The following ZNF148 variants were observed in gnomAD, a reference collection of about 807,000 sequenced individuals.
ZNF148 encodes Beta-Enolase Repressor Factor-1.
A neutral mutation model predicts 67.7 loss-of-function variants in ZNF148; 7 were observed. The observed-to-expected ratio is 0.10, with a 90% CI of 0.06 to 0.19. The LOEUF (loss-of-function observed/expected upper bound fraction) is 0.19, where lower values mean the gene tolerates loss of function less well. ZNF148 is among the 10% of genes least tolerant of loss of function. The pLI is 1.00. For synonymous variants in ZNF148, 333 were observed against 330.7 expected (o/e 1.01, Z -0.08); for missense variants, 583 against 947.1 (o/e 0.62, Z 5.05).
chr3:125,352,841 G>C (rs2107762375), intron 1 of ZNF148, among the ~76,000 whole-genome samples: 1 of 152,114 alleles, frequency 6.6e-6, no homozygotes. Flanking sequence ...AGTGAGAGGA[G>C]GCACTCTACT....
chr3:125,240,780 A>C (rs1210604851), intron 7 of ZNF148, among the ~76,000 whole-genome samples: 1 of 149,772 alleles, frequency 6.7e-6, no homozygotes, highest in Non-Finnish European at 1.5e-5. Flanking sequence ...AAAAAAAAAA[A>C]CCAAAAACCA....
At chr3:125,340,913 A>G (rs1006709609) in intron 1 of ZNF148, among the ~76,000 whole-genome samples, 3 of 143,706 alleles carry the variant, frequency 2.1e-5, no homozygotes, top group Non-Finnish European at 3.0e-5. Flanking sequence ...GCGTGAACCC[A>G]GGAGGCGGAG....
intron 1 of ZNF148, among the ~76,000 whole-genome samples, chr3:125,338,602 G>A (rs901670493): frequency 7.4e-6 from 1 of 134,544 alleles, no homozygotes; most frequent in Non-Finnish European, 1.5e-5. Flanking sequence ...AAAGGTCGCA[G>A]TGAGCCGACA....
intron 4 of ZNF148, among the ~76,000 whole-genome samples, chr3:125,293,513 C>T (rs758290937): frequency 8.6e-5 from 13 of 151,868 alleles, no homozygotes; most frequent in South Asian, 2.1e-4. Flanking sequence ...AGAGCTGGGT[C>T]GGGGAAAAAT....
chr3:125,318,094 TC>T (rs1251859763), intron 3 of ZNF148, among the ~76,000 whole-genome samples: 1 of 152,190 alleles, frequency 6.6e-6, no homozygotes, highest in Non-Finnish European at 1.5e-5. Context: ...ATTTTTATTG[TC>T]CTTGCACCTC....
At chr3:125,275,766 TA>T (rs770636972) in intron 7 of ZNF148, among the ~76,000 whole-genome samples, 2 of 152,112 alleles carry the variant, frequency 1.3e-5, no homozygotes, top group Non-Finnish European at 2.9e-5. Flanking sequence ...AGCACTTTTT[TA>T]AAAAAAGAAT....
In ZNF148 at chr3:125,232,329, T is replaced by TG. The variant is rs2107828563; in HGVS notation, c.*11_*12insC. 1 of 74,664 alleles carries TG rather than the reference T, an allele frequency of 1.3e-5. No homozygotes were observed. The highest frequency in any genetic ancestry group is 1.6e-4 in the East Asian group (1 of 6,380). 4.6% of individuals were successfully genotyped at this position (74,664 alleles called of 1,614,324 possible). On this transcript the variant is annotated 3_prime_UTR_variant, in exon 9 of 9. Coordinates refer to ENST00000360647, the MANE Select transcript of ZNF148 (RefSeq NM_021964.3). This position sits in a 1 kb window ranked among gnomAD's most constrained non-coding sequence, Gnocchi z 4.2. ...CTAAAGTGCCAGTATTATTTACACT[T>TG]TTTTTTTTTTTTTAGCCAAAAGTCT...
intron 1 of ZNF148, among the ~76,000 whole-genome samples, chr3:125,351,252 G>A (rs1465512262): frequency 6.6e-6 from 1 of 152,024 alleles, no homozygotes; most frequent in Non-Finnish European, 1.5e-5. Flanking sequence ...CGTGGTGGCA[G>A]GTGCCTGTAG....
intron 7 of ZNF148, among the ~76,000 whole-genome samples, chr3:125,261,923 A>G (rs1216110160): frequency 6.6e-6 from 1 of 151,764 alleles, no homozygotes; most frequent in Admixed American, 6.6e-5. Flanking sequence ...ATACAAACTC[A>G]TATAAGAGAG....
intron 8 of ZNF148, 115 bp from the exon 9 acceptor site, chr3:125,234,054 T>A (rs573669917): frequency 7.3e-7 from 1 of 1,373,018 alleles, no homozygotes; most frequent in East Asian, 2.6e-5. Context: ...CATACATAAT[T>A]CCAAACAAAT....
Position 125,311,340 on chromosome 3 carries a change from C to T in ZNF148, c.333+1968G>A, listed in dbSNP as rs192916550. The T allele has an allele frequency of 8.1e-4, 124 of 153,124 alleles. 1 individual carries two copies. The highest frequency in any genetic ancestry group is 2.5e-4 in the Non-Finnish European group (17 of 68,010). 9.5% of individuals were successfully genotyped at this position (153,124 alleles called of 1,614,324 possible). ...GAAAGGCATTCAGAAGAGTTAGGTT[C>T]TATTAGAAAGTATTAAAATTTATGC... is the stretch of plus-strand genomic sequence containing the variant. On this transcript the variant is annotated intron_variant, in intron 4 of 8. Coordinates refer to ENST00000360647, the MANE Select transcript of ZNF148 (RefSeq NM_021964.3).
rs1935786732 is a variant in ZNF148 at position 125,229,980 on chromosome 3, G to A, written c.*2361C>T. The A allele has an allele frequency of 6.6e-6, 1 of 152,442 alleles. No individual in the cohort carries two copies. The highest frequency in any genetic ancestry group is 1.5e-5 in the Non-Finnish European group (1 of 67,996). The allele number at this position is 152,442 out of a possible 1,614,324, so 9.4% of individuals were successfully genotyped here. A position where few individuals can be genotyped will look rare whatever the true frequency, so the allele number is the denominator to read the frequency against. ...TTATCTAAAAACTGCTTATAACCTG[G>A]TAGAAAAGTCTGCCATTATGTAGAT... On this transcript the variant is annotated 3_prime_UTR_variant, in exon 9 of 9. Transcript: ENST00000360647.
rs369386208 is a variant in ZNF148, at chr3:125,356,321, A to G, written c.-234+18781T>C. Among the ~76,000 whole-genome samples, 11 of 152,328 alleles carry G rather than the reference A, an allele frequency of 7.2e-5. 1 individual carries two copies. The South Asian group carries it at 1.2e-3, about 17-fold the overall frequency. ...TGGGATTGGTCACCAGACTGGGCAT[A>G]AGAGACCCAGAGTCTATTCCAGCTC... is the stretch of plus-strand genomic sequence containing the variant. On this transcript the variant is annotated intron_variant, in intron 1 of 8. Coordinates refer to ENST00000360647, the MANE Select transcript of ZNF148 (RefSeq NM_021964.3).
intron 7 of ZNF148, among the ~76,000 whole-genome samples, chr3:125,253,226 T>C (rs915966271): frequency 7.2e-5 from 11 of 152,344 alleles, no homozygotes; most frequent in African/African-American, 2.4e-4. Context: ...GATTTATTCC[T>C]GGCTATCTGA....
chr3:125,264,852 C>A (rs1194783123), intron 7 of ZNF148, among the ~76,000 whole-genome samples: 1 of 152,052 alleles, frequency 6.6e-6, no homozygotes, highest in African/African-American at 2.4e-5. Flanking sequence ...TTCAATGAGG[C>A]AGGGGAAAGA....
chr3:125,367,305 T>TAA (rs1216317447), intron 1 of ZNF148, among the ~76,000 whole-genome samples: 2 of 152,338 alleles, frequency 1.3e-5, no homozygotes, highest in Admixed American at 6.5e-5. Flanking sequence ...CCTCCAAAGA[T>TAA]AGCCTGTCAT....
At chr3:125,275,731 T>C (rs1208270859) in intron 7 of ZNF148, among the ~76,000 whole-genome samples, 3 of 152,232 alleles carry the variant, frequency 2.0e-5, no homozygotes, top group African/African-American at 7.2e-5. Context: ...CATGGTCTAG[T>C]GCAGTTGATT....
At chr3:125,250,706 G>A (rs963242309) in intron 7 of ZNF148, among the ~76,000 whole-genome samples, 1 of 152,068 alleles carries the variant, frequency 6.6e-6, no homozygotes, top group African/African-American at 2.4e-5. Context: ...GGGGTTTTTT[G>A]TTTGTTTTTG....
chr3:125,243,277 C>T (rs529975349), intron 7 of ZNF148, among the ~76,000 whole-genome samples: 1 of 152,164 alleles, frequency 6.6e-6, no homozygotes, highest in South Asian at 2.1e-4. Flanking sequence ...TCTGTTATAT[C>T]TTCTATTCCC....
Sources: gnomAD v4.1 joint callset for allele counts (sites outside exome capture counted in the v4.1 genomes callset) on GRCh38, gnomAD v4.1.1 for gene constraint, Gnocchi (gnomAD v3.1) non-coding constraint, MANE v1.5 for transcripts, NCBI Gene and HGNC (gene_info 2026-07-23, HGNC 2026-07-21) for gene names.